ABCC1: variants seen among roughly 807,000 people sequenced by gnomAD.
ABCC1 encodes the protein ATP binding cassette subfamily C member 1 (ABCC1 blood group), also known as multidrug resistance-associated protein 1.
ABCC1 carries 83 observed loss-of-function variants against 172.9 expected under a neutral mutation model. The ratio of observed to expected loss-of-function variants is 0.48; its 90% CI spans 0.40 to 0.58. ABCC1 has a LOEUF of 0.58. Among genes scored for constraint, ABCC1 ranks in the 20% least tolerant of loss-of-function variants. The pLI, the probability that ABCC1 is intolerant of heterozygous loss-of-function variation, is 0.00. For missense variants in ABCC1, 1,817 were observed against 2,002.7 expected, an observed-to-expected ratio of 0.91 and a Z score of 1.77; for synonymous variants, 937 against 825.2, an observed-to-expected ratio of 1.14 and a Z score of -2.32.
At chr16:16,069,154 A>T (rs1291165509) in intron 13 of ABCC1, among the ~76,000 whole-genome samples, 1 of 142,546 alleles carries the variant, frequency 7.0e-6, no homozygotes, top group South Asian at 2.2e-4. Context: ...AAAAAAAATA[A>T]AATAAAATAA....
chr16:16,042,897 C>T (rs566154209), intron 7 of ABCC1, among the ~76,000 whole-genome samples: 3 of 152,020 alleles, frequency 2.0e-5, no homozygotes, highest in Admixed American at 6.6e-5. Flanking sequence ...CTTGCTGTGG[C>T]GCTGAGGCTG....
At position 16,094,161 on chromosome 16, in the gene ABCC1, G is replaced by A. The variant is rs577257556; in HGVS notation, c.2644+3573G>A. ...GGCAGGATCATCTGGATGTGGCAGAGTGAGCTCACGTATGGGTTAATCCGA... is the reference window on the plus strand; with the variant it reads ...GGCAGGATCATCTGGATGTGGCAGAATGAGCTCACGTATGGGTTAATCCGA... On this transcript the variant is annotated intron_variant, in intron 19 of 30. Transcript: ENST00000399410. The A allele has an allele frequency of 8.4e-5, 20 of 238,520 alleles. No individual in the cohort carries two copies. In the South Asian group the frequency reaches 1.2e-3, roughly 14 times the overall value. 14.8% of individuals were successfully genotyped at this position (238,520 alleles called of 1,614,324 possible).
chr16:15,955,812 G>T (rs1201764095), intron 1 of ABCC1, among the ~76,000 whole-genome samples: 1 of 152,138 alleles, frequency 6.6e-6, no homozygotes, highest in Non-Finnish European at 1.5e-5. Flanking sequence ...CCTACCAAAA[G>T]ATCGGCTCCA....
intron 5 of ABCC1, among the ~76,000 whole-genome samples, chr16:16,032,851 C>T (rs563561361): frequency 7.9e-5 from 12 of 152,266 alleles, no homozygotes; most frequent in Non-Finnish European, 1.6e-4. Flanking sequence ...GGATAGAAGA[C>T]AAGGCAGGTC....
chr16:16,124,403 GTGTGTGTA>G (rs2045339933), intron 24 of ABCC1, among the ~76,000 whole-genome samples: 9 of 147,244 alleles, frequency 6.1e-5, no homozygotes, highest in Admixed American at 4.8e-4. Flanking sequence ...GTGTGTGTGT[GTGTGTGTA>G]TGTGTGTGTG....
Position 16,052,714 on chromosome 16 carries a change from C to T in ABCC1, c.1381-10C>T. ...TGGTGAGTGATGAAGAGTCTCCTTTCCTTCCTTAGAATCTGGGCCCTTCCG... is the reference window on the plus strand; with the variant it reads ...TGGTGAGTGATGAAGAGTCTCCTTTTCTTCCTTAGAATCTGGGCCCTTCCG... On this transcript the variant is annotated splice_polypyrimidine_tract_variant and intron_variant, in intron 10 of 30. Coordinates refer to ENST00000399410, the MANE Select transcript of ABCC1 (RefSeq NM_004996.4). 1 of 1,613,836 alleles carries T rather than the reference C, an allele frequency of 6.2e-7. No homozygotes were observed. The highest frequency in any genetic ancestry group is 8.5e-7 in the Non-Finnish European group (1 of 1,179,768).
chr16:16,036,228 TAA>T (rs4148341), intron 6 of ABCC1, among the ~76,000 whole-genome samples: 10 of 137,984 alleles, frequency 7.2e-5, no homozygotes, highest in Non-Finnish European at 4.8e-5. Flanking sequence ...TATGCACCAC[TAA>T]AAAAAAAAAA....
At chr16:15,978,994 G>A (rs879544929) in intron 1 of ABCC1, among the ~76,000 whole-genome samples, 28 of 152,086 alleles carry the variant, frequency 1.8e-4, no homozygotes, top group Non-Finnish European at 3.7e-4. Flanking sequence ...GAGAAAACAT[G>A]CATTTAAATT....
intron 1 of ABCC1, among the ~76,000 whole-genome samples, chr16:15,978,875 A>C (rs2046553401): frequency 6.6e-6 from 1 of 152,136 alleles, no homozygotes; most frequent in African/African-American, 2.4e-5. Flanking sequence ...AATGCTATAA[A>C]CATCCTGTGA....
At chr16:16,087,560 C>G (rs1253010944) in intron 18 of ABCC1, among the ~76,000 whole-genome samples, 2 of 152,162 alleles carry the variant, frequency 1.3e-5, no homozygotes, top group African/African-American at 4.8e-5. Context: ...CGGGTTCAAG[C>G]ACTTCTCCTG....
At chr16:16,046,320 T>G (rs1378551376) in intron 9 of ABCC1, among the ~76,000 whole-genome samples, 2 of 152,130 alleles carry the variant, frequency 1.3e-5, no homozygotes, top group Non-Finnish European at 2.9e-5. Context: ...CTGTTAACAT[T>G]CTGTGTTTCA....
At chr16:15,954,874 A>T (rs949459688) in intron 1 of ABCC1, among the ~76,000 whole-genome samples, 1 of 152,112 alleles carries the variant, frequency 6.6e-6, no homozygotes, top group South Asian at 2.1e-4. Flanking sequence ...CCCACTGACC[A>T]TGTTCCTAAA....
At chr16:16,113,524 G>A (rs961849453) in intron 22 of ABCC1, among the ~76,000 whole-genome samples, 5 of 152,060 alleles carry the variant, frequency 3.3e-5, no homozygotes, top group South Asian at 2.1e-4. Flanking sequence ...GCGTGGTGGC[G>A]CATGTCTGTA....
chr16:16,030,743 C>T (rs2048531928), intron 5 of ABCC1, among the ~76,000 whole-genome samples: 1 of 151,882 alleles, frequency 6.6e-6, no homozygotes, highest in Admixed American at 6.6e-5. Flanking sequence ...AGCCACTTTT[C>T]CAAGAAAAAT....
At chr16:16,129,829 C>T (rs542591900) in intron 26 of ABCC1, among the ~76,000 whole-genome samples, 31 of 152,208 alleles carry the variant, frequency 2.0e-4, no homozygotes, top group African/African-American at 7.0e-4. Flanking sequence ...TGAGCCACTG[C>T]GCCGGCAACG....
chr16:16,129,177 A>G (rs896707193), intron 26 of ABCC1, among the ~76,000 whole-genome samples: 1 of 152,072 alleles, frequency 6.6e-6, no homozygotes, highest in South Asian at 2.1e-4. Context: ...CTTTTAACGT[A>G]AGTGGAATCT....
rs565855679 is a variant in ABCC1 at position 16,131,733 on chromosome 16, C to T, written c.3820-56C>T. On this transcript the variant is annotated intron_variant, in intron 26 of 30. Transcript: ENST00000399410. ...GTGAGAGGGGAGGTCAGGGGAGTCA[C>T]AGCTTTACCAGATGGACTGGAAATT... The T allele has an allele frequency of 1.3e-5, 20 of 1,586,264 alleles. No homozygotes were observed. In the African/African-American group the frequency reaches 1.9e-4, roughly 15 times the overall value.
intron 12 of ABCC1, among the ~76,000 whole-genome samples, chr16:16,065,771 C>G (rs35600): frequency 0.18 from 26,741 of 152,106 alleles, 2,534 homozygotes; most frequent in East Asian, 0.34. Flanking sequence ...AGAGACACAG[C>G]CTTGCTTTTT....
intron 1 of ABCC1, among the ~76,000 whole-genome samples, chr16:15,962,431 C>T (rs1319123016): frequency 3.3e-5 from 5 of 152,070 alleles, no homozygotes; most frequent in Non-Finnish European, 7.4e-5. Context: ...TATGACAGAA[C>T]AAACAATACA....
Sources: gnomAD v4.1 joint callset for allele counts (sites outside exome capture counted in the v4.1 genomes callset) on GRCh38, gnomAD v4.1.1 for gene constraint, MANE v1.5 for transcripts, NCBI Gene and HGNC (gene_info 2026-07-23, HGNC 2026-07-21) for gene names.